HNF4A: variants seen among roughly 807,000 people sequenced by gnomAD.
HNF4A encodes the protein hepatocyte nuclear factor 4-alpha.
HNF4A carries 15 observed loss-of-function variants against 52.4 expected under a neutral mutation model. The observed-to-expected ratio is 0.29, with a 90% CI of 0.19 to 0.44. The LOEUF is 0.44. Ranked by LOEUF, HNF4A falls within the 20% of genes least tolerant of loss-of-function variation. HNF4A has a pLI of 1.00. For synonymous variants in HNF4A, 280 were observed against 264.4 expected (o/e 1.06, Z -0.57); for missense variants, 479 against 647.2 (o/e 0.74, Z 2.82).
chr20:44,433,905 T>C (rs2063901783), downstream of HNF4A: 1 of 152,356 alleles, frequency 6.6e-6, no homozygotes, highest in African/African-American at 2.4e-5. Context: ...TGTTTGCCAG[T>C]GCCACACTGA....
At chr20:44,414,385 A>G (rs933514634) in intron 4 of HNF4A, 122 bp from the exon 5 acceptor site, 41 of 1,400,620 alleles carry the variant, frequency 2.9e-5, no homozygotes, top group Non-Finnish European at 3.9e-5. Flanking sequence ...TCAGAGCTGG[A>G]GGGCACCCAC....
Position 44,378,360 on chromosome 20 carries a change from C to CA in HNF4A, c.49+22508dup, listed in dbSNP as rs199507321. 8.2e-3 allele frequency among the ~76,000 whole-genome samples: 1,241 copies of CA among 151,818 alleles called. 27 individuals are homozygous for CA. Among genetic ancestry groups the CA allele is most frequent in the African/African-American group, 0.029 (1,213 of 41,386 alleles). On this transcript the variant is annotated intron_variant, in intron 1 of 9. Transcript: ENST00000316673. The stretch of plus-strand genomic sequence containing the variant: ...TCGGCTCACTACAACCTCCACCTCC[C>CA]AGGTTCAAGTGATTTTTCTGCCTCA...
chr20:44,426,405 C>T (rs1435899808), intron 8 of HNF4A, among the ~76,000 whole-genome samples: 1 of 151,920 alleles, frequency 6.6e-6, no homozygotes, highest in Non-Finnish European at 1.5e-5. Flanking sequence ...AGTAGATAAC[C>T]CTTTGAAATG....
Position 44,376,090 on chromosome 20 carries a change from CA to C in HNF4A, c.49+20245del, listed in dbSNP as rs2063082078. Among the ~76,000 whole-genome samples, 4 of 151,584 alleles carry C rather than the reference CA, an allele frequency of 2.6e-5. No individual in the cohort carries two copies. In the South Asian group the frequency reaches 8.4e-4, roughly 32 times the overall value. ...TGAAACTCTGTCTCTACTAAAAATACAAAAAAAATTAGCCGGGCATGGTAAT... is the reference window on the plus strand; with the variant it reads ...TGAAACTCTGTCTCTACTAAAAATACAAAAAAATTAGCCGGGCATGGTAAT... On this transcript the variant is annotated intron_variant, in intron 1 of 9. Coordinates refer to the HNF4A transcript ENST00000316673.
At chr20:44,410,222 G>A (rs925649259) in intron 3 of HNF4A, among the ~76,000 whole-genome samples, 21 of 152,348 alleles carry the variant, frequency 1.4e-4, no homozygotes, top group Admixed American at 6.5e-4. Flanking sequence ...TTCAGCCTTA[G>A]CTCAGCCTTG....
chr20:44,421,042 G>C (rs768425525), intron 7 of HNF4A, among the ~76,000 whole-genome samples: 45 of 152,248 alleles, frequency 3.0e-4, no homozygotes, highest in Non-Finnish European at 6.2e-4. Flanking sequence ...GATGGCAGAG[G>C]ATTTTGCTTT....
At chr20:44,405,948 G>T in intron 1 of HNF4A, 110 bp from the exon 2 acceptor site, 1 of 1,032,636 alleles carries the variant, frequency 9.7e-7, no homozygotes, top group Non-Finnish European at 1.5e-6. Flanking sequence ...AGTGGGAACA[G>T]CCCCCAGATC....
intron 8 of HNF4A, among the ~76,000 whole-genome samples, chr20:44,427,965 C>T (rs972538118): frequency 2.0e-5 from 3 of 152,078 alleles, no homozygotes; most frequent in Non-Finnish European, 4.4e-5. Flanking sequence ...AAAGGTGAGG[C>T]GGGACCAAAT....
At chr20:44,368,160 A>ATATATATATATATTT (rs1200638153) in intron 1 of HNF4A, among the ~76,000 whole-genome samples, 4 of 27,778 alleles carry the variant, frequency 1.4e-4, no homozygotes, top group Non-Finnish European at 1.8e-4. Flanking sequence ...ATATATATAT[A>ATATATATATATATTT]TTTTTTTTTT....
chr20:44,388,006 C>T (rs954750726), intron 1 of HNF4A, among the ~76,000 whole-genome samples: 2 of 152,044 alleles, frequency 1.3e-5, no homozygotes, highest in Admixed American at 1.3e-4. Context: ...GTGAGTCGTC[C>T]TACTTCACAA....
chr20:44,368,212 G>A (rs2062994579), intron 1 of HNF4A, among the ~76,000 whole-genome samples: 1 of 126,712 alleles, frequency 7.9e-6, no homozygotes, highest in Admixed American at 9.7e-5. Context: ...TGTGGCCCAG[G>A]CTGGAGTGCG....
chr20:44,364,236 C>T (rs527614430), intron 1 of HNF4A, among the ~76,000 whole-genome samples: 1 of 152,078 alleles, frequency 6.6e-6, no homozygotes, highest in Admixed American at 6.6e-5. Flanking sequence ...AGACAGGGGT[C>T]TCGCTATGTT....
At chr20:44,411,498 G>A (rs1464920110) in intron 3 of HNF4A, among the ~76,000 whole-genome samples, 2 of 151,992 alleles carry the variant, frequency 1.3e-5, no homozygotes, top group Non-Finnish European at 2.9e-5. Context: ...GGGTGGGTGC[G>A]GGTGCTGGCA....
chr20:44,416,315 A>G (rs1282764123), intron 5 of HNF4A, among the ~76,000 whole-genome samples: 1 of 152,254 alleles, frequency 6.6e-6, no homozygotes, highest in Non-Finnish European at 1.5e-5. Flanking sequence ...ATTGCCCCAG[A>G]AACTAGATTC....
At chr20:44,402,019 C>T (rs1355192412) in intron 1 of HNF4A, among the ~76,000 whole-genome samples, 1 of 152,000 alleles carries the variant, frequency 6.6e-6, no homozygotes, top group Non-Finnish European at 1.5e-5. Context: ...TTGCTAACTA[C>T]GAAGCCAACT....
chr20:44,361,600 A>G (rs575571218), intron 1 of HNF4A, among the ~76,000 whole-genome samples: 1 of 151,960 alleles, frequency 6.6e-6, no homozygotes, highest in East Asian at 1.9e-4. Flanking sequence ...GTTAGAGACC[A>G]GGTAGAGGCA....
At chr20:44,426,721 C>A (rs2063818655) in intron 8 of HNF4A, among the ~76,000 whole-genome samples, 2 of 152,112 alleles carry the variant, frequency 1.3e-5, no homozygotes, top group Non-Finnish European at 2.9e-5. Context: ...GCAGGACAAT[C>A]ACTTGAACCC....
intron 1 of HNF4A, among the ~76,000 whole-genome samples, chr20:44,394,420 AG>A (rs774132817): frequency 2.4e-4 from 36 of 152,258 alleles, no homozygotes; most frequent in Middle Eastern, 3.4e-3. Flanking sequence ...TACATGTAAA[AG>A]GGAGTCGCTG....
intron 1 of HNF4A, 87 bp downstream of exon 1, chr20:44,355,940 G>A: frequency 8.3e-7 from 1 of 1,198,134 alleles, no homozygotes; most frequent in South Asian, 1.4e-5. Flanking sequence ...TGTTTCTTAC[G>A]GGCCCAAAGC....
Sources: allele counts gnomAD v4.1 joint callset (sites outside exome capture counted in the v4.1 genomes callset), GRCh38; gene constraint gnomAD v4.1.1; transcripts MANE v1.5; gene names NCBI Gene and HGNC (gene_info 2026-07-23, HGNC 2026-07-21).